DOCK3: variants seen among roughly 807,000 people sequenced by gnomAD.
DOCK3 encodes the protein dedicator of cytokinesis protein 3.
In DOCK3, 60 loss-of-function variants were observed where a neutral mutation model predicts 265.6. The observed-to-expected ratio is 0.23, with a 90% CI of 0.18 to 0.28. The LOEUF is 0.28. Among genes scored for constraint, DOCK3 ranks in the 10% least tolerant of loss-of-function variants. The pLI, the probability that DOCK3 is intolerant of heterozygous loss-of-function variation, is 1.00. For missense variants in DOCK3, 1,981 were observed against 2,594.3 expected, an observed-to-expected ratio of 0.76 and a Z score of 5.14; for synonymous variants, 881 against 938.0, an observed-to-expected ratio of 0.94 and a Z score of 1.11.
At chr3:50,919,901 C>G (rs2050344635) in intron 4 of DOCK3, among the ~76,000 whole-genome samples, 1 of 152,056 alleles carries the variant, frequency 6.6e-6, no homozygotes, top group Non-Finnish European at 1.5e-5. Flanking sequence ...ATAAATAGCT[C>G]TTATTATTTT....
chr3:51,027,857 A>G (rs1244456690), intron 5 of DOCK3, among the ~76,000 whole-genome samples: 1 of 107,830 alleles, frequency 9.3e-6, no homozygotes, highest in Non-Finnish European at 2.0e-5. Flanking sequence ...TGAATGCAGT[A>G]GAAAGTTGGA....
rs1230281830 is a variant in DOCK3, at chr3:51,374,631, T to C, written c.5412+44T>C. 1 of 1,540,584 alleles carries C rather than the reference T, an allele frequency of 6.5e-7. No individual in the cohort carries two copies. Among genetic ancestry groups the C allele is most frequent in the African/African-American group, 1.4e-5 (1 of 73,062 alleles). Reference sequence around the variant, plus strand: ...TGACTGTCCTCTGCTGCAAGTGTGTTAGCCTGTGCTTCCCTCCTTGCATTT... The same window carrying C: ...TGACTGTCCTCTGCTGCAAGTGTGTCAGCCTGTGCTTCCCTCCTTGCATTT... On this transcript the variant is annotated intron_variant, in intron 50 of 52. Transcript: ENST00000266037. This position sits in a 1 kb window ranked among gnomAD's most constrained non-coding sequence, Gnocchi z 4.8.
At chr3:51,027,941 T>A (rs185572136) in intron 5 of DOCK3, among the ~76,000 whole-genome samples, 1 of 152,280 alleles carries the variant, frequency 6.6e-6, no homozygotes, top group East Asian at 1.9e-4. Flanking sequence ...TAGGTTCAAC[T>A]TTGATATTGA....
At chr3:51,349,054 C>T (rs757739539) in intron 39 of DOCK3, 116 bp downstream of exon 39, 39 of 976,312 alleles carry the variant, frequency 4.0e-5, no homozygotes, top group Non-Finnish European at 4.6e-5. Context: ...GAAACAAAAG[C>T]CAAGACTCCT....
chr3:51,113,193 A>G (rs552209956), intron 9 of DOCK3, among the ~76,000 whole-genome samples: 1 of 152,288 alleles, frequency 6.6e-6, no homozygotes. Flanking sequence ...ATATATATAT[A>G]TAACTGGCAT....
At chr3:50,894,442 A>G (rs1051795447) in intron 4 of DOCK3, among the ~76,000 whole-genome samples, 3 of 152,164 alleles carry the variant, frequency 2.0e-5, no homozygotes, top group Non-Finnish European at 4.4e-5. Flanking sequence ...CATCACCAGT[A>G]GATTTGCCTT....
rs1243089763 is a variant in DOCK3, at chr3:50,674,927, G to T, written c.-337G>T. ...AGTGGCGCATGCGCGGGCGTCCTGC[G>T]AGCCCGCTGGGGCGAGCCGAGCCGC... On this transcript the variant is annotated 5_prime_UTR_variant, in exon 1 of 53. Transcript: ENST00000266037. The surrounding 1 kb of genome is among the most constrained non-coding windows in gnomAD (Gnocchi z 4.3). Among the ~76,000 whole-genome samples, 1 of 148,418 alleles carries T rather than the reference G, an allele frequency of 6.7e-6. No individual in the cohort carries two copies. The highest frequency in any genetic ancestry group is 1.5e-5 in the Non-Finnish European group (1 of 66,622).
At chr3:50,878,953 A>G (rs2047871232) in intron 3 of DOCK3, among the ~76,000 whole-genome samples, 1 of 152,212 alleles carries the variant, frequency 6.6e-6, no homozygotes, top group South Asian at 2.1e-4. Context: ...TACAAGCCAG[A>G]AGAGAGTGGG....
At chr3:50,881,671 G>A (rs1431523049) in intron 3 of DOCK3, among the ~76,000 whole-genome samples, 4 of 152,258 alleles carry the variant, frequency 2.6e-5, no homozygotes, top group Non-Finnish European at 5.9e-5. Context: ...AATCAATATC[G>A]TGAAAATGGC....
At chr3:50,933,249 G>GATTT (rs2051168129) in intron 4 of DOCK3, among the ~76,000 whole-genome samples, 1 of 152,118 alleles carries the variant, frequency 6.6e-6, no homozygotes, top group Non-Finnish European at 1.5e-5. Flanking sequence ...TTTCATTTTA[G>GATTT]ATTTATTACT....
intron 40 of DOCK3, among the ~76,000 whole-genome samples, chr3:51,352,469 A>T (rs1416371215): frequency 4.6e-5 from 7 of 152,194 alleles, no homozygotes; most frequent in Non-Finnish European, 1.0e-4. Flanking sequence ...CCTGGCATAA[A>T]ACCTGCATCT....
intron 4 of DOCK3, among the ~76,000 whole-genome samples, chr3:50,922,755 CTT>C (rs34981827): frequency 2.1e-5 from 3 of 141,068 alleles, no homozygotes; most frequent in Admixed American, 7.1e-5. Context: ...TATTTTTAGT[CTT>C]TTTTTTTTTT....
At chr3:50,955,615 T>A (rs144001980) in intron 5 of DOCK3, among the ~76,000 whole-genome samples, 2 of 152,148 alleles carry the variant, frequency 1.3e-5, no homozygotes, top group East Asian at 1.9e-4. Flanking sequence ...TTCTCACTTA[T>A]AAGTGGAAGC....
chr3:50,806,895 T>C (rs2106689196), intron 2 of DOCK3, among the ~76,000 whole-genome samples: 1 of 152,220 alleles, frequency 6.6e-6, no homozygotes, highest in African/African-American at 2.4e-5. Context: ...CATGAATTTC[T>C]GGTGGCTTTC....
chr3:51,070,396 C>G (rs931544051), intron 6 of DOCK3, among the ~76,000 whole-genome samples: 2 of 152,126 alleles, frequency 1.3e-5, no homozygotes, highest in African/African-American at 4.8e-5. Flanking sequence ...TGAGAACAAC[C>G]TAGCTTGAGA....
chr3:51,059,822 C>T (rs2109222261), intron 5 of DOCK3, among the ~76,000 whole-genome samples: 1 of 152,222 alleles, frequency 6.6e-6, no homozygotes, highest in South Asian at 2.1e-4. Context: ...AGCCTCCTAC[C>T]TAAATCAAAC....
At chr3:51,091,682 CAAAAAA>C (rs36008191) in intron 9 of DOCK3, among the ~76,000 whole-genome samples, 32 of 102,172 alleles carry the variant, frequency 3.1e-4, no homozygotes, top group African/African-American at 1.2e-3. Context: ...GACTTGGTCT[CAAAAAA>C]AAAAAAAAAA....
intron 32 of DOCK3, among the ~76,000 whole-genome samples, chr3:51,321,602 A>G (rs924283983): frequency 6.6e-6 from 1 of 152,198 alleles, no homozygotes; most frequent in Admixed American, 6.5e-5. Context: ...ACGAATTGCT[A>G]ACTGGAATAA....
At chr3:51,081,703 G>A (rs899218964) in intron 7 of DOCK3, among the ~76,000 whole-genome samples, 16 of 152,014 alleles carry the variant, frequency 1.1e-4, no homozygotes, top group African/African-American at 3.6e-4. Context: ...AGACCATCCT[G>A]GCTAACACGG....
Sources: gnomAD v4.1 joint callset for allele counts (sites outside exome capture counted in the v4.1 genomes callset) on GRCh38, gnomAD v4.1.1 for gene constraint, Gnocchi (gnomAD v3.1) non-coding constraint, MANE v1.5 for transcripts, NCBI Gene and HGNC (gene_info 2026-07-23, HGNC 2026-07-21) for gene names.